TMEM266: variants seen among roughly 807,000 people sequenced by gnomAD.
TMEM266 encodes the protein Hv1 related protein 1.
In TMEM266, 33 loss-of-function variants were observed where a neutral mutation model predicts 50.5. The ratio of observed to expected loss-of-function variants is 0.65; its 90% CI spans 0.50 to 0.87. TMEM266 has a LOEUF of 0.87. Ranked by LOEUF, TMEM266 falls within the 40% of genes least tolerant of loss-of-function variation. The pLI, the probability that TMEM266 is intolerant of heterozygous loss-of-function variation, is 0.00. For synonymous variants in TMEM266, 310 were observed against 292.3 expected (o/e 1.06, Z -0.62); for missense variants, 655 against 695.1 (o/e 0.94, Z 0.65).
intron 9 of TMEM266, among the ~76,000 whole-genome samples, chr15:76,193,062 C>G (rs2142083471): frequency 6.6e-6 from 1 of 152,350 alleles, no homozygotes; most frequent in South Asian, 2.1e-4. Context: ...GAGCTCCAGC[C>G]TCTGCCACTC....
intron 1 of TMEM266, among the ~76,000 whole-genome samples, chr15:76,068,914 G>A (rs565093845): frequency 2.6e-5 from 4 of 152,186 alleles, no homozygotes; most frequent in African/African-American, 9.7e-5. Flanking sequence ...CTAATGAGTG[G>A]CAGGGCTGGA....
chr15:76,170,053 A>G (rs2038164622), intron 6 of TMEM266, among the ~76,000 whole-genome samples, 181 bp downstream of exon 6: 1 of 152,162 alleles, frequency 6.6e-6, no homozygotes, highest in South Asian at 2.1e-4. Flanking sequence ...TTTCCAGCAA[A>G]GGAATGTTCT....
chr15:76,127,187 TG>T (rs1419636695), intron 1 of TMEM266, among the ~76,000 whole-genome samples: 1 of 152,212 alleles, frequency 6.6e-6, no homozygotes, highest in African/African-American at 2.4e-5. Flanking sequence ...CATTTCACAA[TG>T]TATACATATA....
intron 5 of TMEM266, among the ~76,000 whole-genome samples, chr15:76,165,611 C>G (rs1018224022): frequency 6.6e-6 from 1 of 152,176 alleles, no homozygotes; most frequent in Admixed American, 6.5e-5. Flanking sequence ...AGGCCACGGC[C>G]CTGGGGCTGG....
intron 9 of TMEM266, among the ~76,000 whole-genome samples, chr15:76,198,468 G>A (rs2038689539): frequency 6.6e-6 from 1 of 152,174 alleles, no homozygotes. Context: ...AAACATCTGT[G>A]TCTGCCTCCC....
chr15:76,190,277 A>G (rs4886777), intron 8 of TMEM266, among the ~76,000 whole-genome samples: 38,146 of 152,146 alleles, frequency 0.25, 5,427 homozygotes, highest in East Asian at 0.57. Context: ...GTATCTTTAC[A>G]GAACCAGAAG....
At chr15:76,092,461 G>A (rs939895541) in intron 1 of TMEM266, among the ~76,000 whole-genome samples, 43 of 151,960 alleles carry the variant, frequency 2.8e-4, no homozygotes, top group African/African-American at 9.4e-4. Context: ...AGGCCGAGGC[G>A]GGCGGATCAG....
chr15:76,118,086 G>T (rs1219354933), intron 1 of TMEM266, among the ~76,000 whole-genome samples: 1 of 152,238 alleles, frequency 6.6e-6, no homozygotes, highest in Non-Finnish European at 1.5e-5. Flanking sequence ...ATGCTTCAAA[G>T]TAAGGCCAGG....
At chr15:76,110,166 A>C (rs1567154111) in intron 1 of TMEM266, among the ~76,000 whole-genome samples, 1 of 146,968 alleles carries the variant, frequency 6.8e-6, no homozygotes, top group Admixed American at 6.8e-5. Flanking sequence ...CACCTGGCTA[A>C]TTTTTTTTTT....
At chr15:76,201,992 C>T (rs1037808004) in intron 9 of TMEM266, among the ~76,000 whole-genome samples, 1 of 152,138 alleles carries the variant, frequency 6.6e-6, no homozygotes. Context: ...TCATCAGAAC[C>T]TGGGTCCCCC....
chr15:76,189,478 CAAG>C (rs1245365778), intron 8 of TMEM266, among the ~76,000 whole-genome samples: 1 of 152,146 alleles, frequency 6.6e-6, no homozygotes, highest in Non-Finnish European at 1.5e-5. Flanking sequence ...GAAGACTAGA[CAAG>C]AAAGTGGCAA....
intron 1 of TMEM266, among the ~76,000 whole-genome samples, chr15:76,094,352 A>G (rs1379338617): frequency 1.3e-5 from 2 of 151,972 alleles, no homozygotes; most frequent in Non-Finnish European, 2.9e-5. Flanking sequence ...AGTTTTCCCA[A>G]CACCATTGAT....
chr15:76,077,029 A>G (rs542063346), intron 1 of TMEM266, among the ~76,000 whole-genome samples: 39 of 152,026 alleles, frequency 2.6e-4, no homozygotes, highest in African/African-American at 6.5e-4. Context: ...CAGTGGCACA[A>G]TCTTGGCTCA....
chr15:76,089,463 G>A lies in TMEM266; in HGVS notation c.-97+29447G>A, dbSNP rs184978357. Among the ~76,000 whole-genome samples, 494 of 152,210 alleles carry A rather than the reference G, an allele frequency of 3.2e-3. 3 individuals are homozygous for A. Among genetic ancestry groups the A allele is most frequent in the African/African-American group, 0.011 (468 of 41,528 alleles). ...CCGCCTCAGCCTCCCAAAGTGCTGG[G>A]ATTACAGGCTTGAGCCACCGCGCCC... is the stretch of plus-strand genomic sequence containing the variant. On this transcript the variant is annotated intron_variant, in intron 1 of 10. Transcript: ENST00000388942.
intron 3 of TMEM266, among the ~76,000 whole-genome samples, chr15:76,147,639 A>AACGTCT (rs2037776356): frequency 6.6e-6 from 1 of 152,220 alleles, no homozygotes; most frequent in Admixed American, 6.5e-5. Flanking sequence ...CAACGGAATA[A>AACGTCT]AAGTTTAATT....
intron 8 of TMEM266, among the ~76,000 whole-genome samples, chr15:76,189,964 A>G (rs1263938772): frequency 2.6e-5 from 4 of 152,206 alleles, no homozygotes; most frequent in African/African-American, 9.7e-5. Flanking sequence ...ACCTATAGAC[A>G]CTGACATTGG....
chr15:76,111,062 G>C (rs992402965), intron 1 of TMEM266, among the ~76,000 whole-genome samples: 1 of 151,120 alleles, frequency 6.6e-6, no homozygotes, highest in Non-Finnish European at 1.5e-5. Context: ...AGCCACTTTG[G>C]AAGACACACT....
intron 1 of TMEM266, among the ~76,000 whole-genome samples, chr15:76,087,558 C>T (rs1239240712): frequency 6.6e-6 from 1 of 152,058 alleles, no homozygotes. Context: ...GTCTGAGACT[C>T]TGGGAGAGTC....
chr15:76,155,413 G>A (rs528777179), intron 3 of TMEM266, among the ~76,000 whole-genome samples: 2 of 152,232 alleles, frequency 1.3e-5, no homozygotes, highest in Admixed American at 6.5e-5. Flanking sequence ...CTCAGATTCT[G>A]TGACCCCTCC....
Sources: allele counts gnomAD v4.1 joint callset (sites outside exome capture counted in the v4.1 genomes callset), GRCh38; gene constraint gnomAD v4.1.1; transcripts MANE v1.5; gene names NCBI Gene and HGNC (gene_info 2026-07-23, HGNC 2026-07-21).